The following INSYN2B variants were observed in gnomAD, a reference collection of about 807,000 sequenced individuals.
The protein encoded by INSYN2B is protein INSYN2B.
Under a neutral mutation model 41.2 loss-of-function variants are expected in INSYN2B, and 16 were observed. That is an observed-to-expected ratio of 0.39 (90% confidence interval 0.26 to 0.59). The LOEUF is 0.59. Ranked by LOEUF, INSYN2B falls within the 20% of genes least tolerant of loss-of-function variation. INSYN2B has a pLI of 0.57. For synonymous variants in INSYN2B, 245 were observed against 244.4 expected (o/e 1.00, Z -0.02); for missense variants, 608 against 646.4 (o/e 0.94, Z 0.64).
intron 1 of INSYN2B, among the ~76,000 whole-genome samples, chr5:169,905,763 G>T (rs1399838041): frequency 6.6e-6 from 1 of 152,170 alleles, no homozygotes; most frequent in Non-Finnish European, 1.5e-5. Flanking sequence ...AGGTGTGCAG[G>T]GCTCACCACA....
intron 1 of INSYN2B, among the ~76,000 whole-genome samples, chr5:169,956,880 G>A (rs564151989): frequency 5.4e-4 from 82 of 152,242 alleles, no homozygotes; most frequent in Admixed American, 1.3e-3. Flanking sequence ...AAAATGTGTA[G>A]GATGTTTCTG....
intron 1 of INSYN2B, among the ~76,000 whole-genome samples, chr5:169,950,579 G>T (rs1264838039): frequency 6.6e-6 from 1 of 152,126 alleles, no homozygotes; most frequent in Non-Finnish European, 1.5e-5. Context: ...TTCTCTTTTG[G>T]TTTTAGTTCT....
intron 1 of INSYN2B, among the ~76,000 whole-genome samples, chr5:169,927,375 T>A (rs1581429102): frequency 6.6e-6 from 1 of 152,194 alleles, no homozygotes; most frequent in South Asian, 2.1e-4. Context: ...TAGAGATTGC[T>A]GGACCCCATC....
At chr5:169,914,333 T>C (rs17071870) in intron 1 of INSYN2B, among the ~76,000 whole-genome samples, 8,534 of 152,254 alleles carry the variant, frequency 0.056, 258 homozygotes, top group Middle Eastern at 0.092. Flanking sequence ...CCTAAACCTT[T>C]CTTTGGTTAA....
chr5:169,869,424 A>T lies in INSYN2B; in HGVS notation c.1422-4965T>A, dbSNP rs143004899. Reference sequence around the variant, plus strand: ...GAGAAGTGTGTGTGCTTCGGAAAGAAATTGATTAATGTTTTTTAGGCCAAA... The same window carrying T: ...GAGAAGTGTGTGTGCTTCGGAAAGATATTGATTAATGTTTTTTAGGCCAAA... On this transcript the variant is annotated intron_variant, in intron 3 of 3. Coordinates refer to ENST00000377365, the MANE Select transcript of INSYN2B (RefSeq NM_001129891.3). Among the ~76,000 whole-genome samples, 827 of 152,348 alleles carry T rather than the reference A, an allele frequency of 5.4e-3. 9 individuals carry two copies. Among genetic ancestry groups the T allele is most frequent in the Middle Eastern group, 0.02 (6 of 294 alleles).
chr5:169,952,272 A>G (rs1321675945), intron 1 of INSYN2B, among the ~76,000 whole-genome samples: 4 of 152,220 alleles, frequency 2.6e-5, no homozygotes, highest in Non-Finnish European at 5.9e-5. Flanking sequence ...ACTCGTCCGT[A>G]TAACAATTTA....
rs189428395 is a variant in INSYN2B at position 169,927,073 on chromosome 5, A to G, written c.-918-42257T>C. The stretch of plus-strand genomic sequence containing the variant: ...GCCAGACCAATATGGTATATTCTTC[A>G]TAAATATGCTACATGAAGAGTGGGA... On this transcript the variant is annotated intron_variant, in intron 1 of 3. Coordinates refer to ENST00000377365, the MANE Select transcript of INSYN2B (RefSeq NM_001129891.3). Among the ~76,000 whole-genome samples the G allele has an allele frequency of 3.4e-3, 511 of 152,364 alleles. 1 individual carries two copies. Among genetic ancestry groups the G allele is most frequent in the Middle Eastern group, 0.01 (3 of 294 alleles).
At chr5:169,968,097 C>A (rs1041302869) in intron 1 of INSYN2B, among the ~76,000 whole-genome samples, 4 of 152,160 alleles carry the variant, frequency 2.6e-5, no homozygotes, top group African/African-American at 9.7e-5. Flanking sequence ...GAAAACCTTC[C>A]TGGAATTCTC....
chr5:169,879,002 G>T (rs879593972), intron 3 of INSYN2B, among the ~76,000 whole-genome samples: 1 of 152,206 alleles, frequency 6.6e-6, no homozygotes, highest in African/African-American at 2.4e-5. Flanking sequence ...GAGAGCCAAG[G>T]AGGCTTAGGG....
chr5:169,884,100 T>C lies in INSYN2B; in HGVS notation c.-202A>G. 1 of 419,206 alleles carries C rather than the reference T, an allele frequency of 2.4e-6. No homozygotes were observed. 26.0% of individuals were successfully genotyped at this position (419,206 alleles called of 1,614,324 possible). Reference sequence around the variant, plus strand: ...TACGTAGGAACTATCTGTAATGCTTTCCCTGCAGTTAAAATATTAATTCAT... The same window carrying C: ...TACGTAGGAACTATCTGTAATGCTTCCCCTGCAGTTAAAATATTAATTCAT... On this transcript the variant is annotated 5_prime_UTR_variant, in exon 2 of 4. Coordinates refer to ENST00000377365, the MANE Select transcript of INSYN2B (RefSeq NM_001129891.3).
At chr5:169,909,673 A>G (rs769329163) in intron 1 of INSYN2B, among the ~76,000 whole-genome samples, 2 of 152,216 alleles carry the variant, frequency 1.3e-5, no homozygotes, top group Non-Finnish European at 2.9e-5. Flanking sequence ...CTCTAAACCT[A>G]TAATACATCT....
chr5:169,977,388 C>G (rs1777753415), intron 1 of INSYN2B, among the ~76,000 whole-genome samples: 2 of 152,216 alleles, frequency 1.3e-5, no homozygotes, highest in South Asian at 4.1e-4. Flanking sequence ...ATCTGCATAG[C>G]TTCTCTGGAC....
chr5:169,892,722 T>C (rs1348871086), intron 1 of INSYN2B, among the ~76,000 whole-genome samples: 1 of 152,238 alleles, frequency 6.6e-6, no homozygotes, highest in Non-Finnish European at 1.5e-5. Flanking sequence ...TCTTTCTTTT[T>C]TCAAAAACAT....
intron 1 of INSYN2B, among the ~76,000 whole-genome samples, chr5:169,895,527 G>A (rs74888019): frequency 0.069 from 10,418 of 151,818 alleles, 398 homozygotes; most frequent in Non-Finnish European, 0.088. Flanking sequence ...CAGCATTCAC[G>A]CATCCTCTTC....
intron 1 of INSYN2B, among the ~76,000 whole-genome samples, chr5:169,961,549 C>G (rs1046982592): frequency 5.3e-5 from 8 of 152,178 alleles, no homozygotes; most frequent in African/African-American, 1.9e-4. Context: ...ACATGGTGGA[C>G]TAAGCAGACA....
intron 1 of INSYN2B, among the ~76,000 whole-genome samples, chr5:169,971,255 C>A (rs61447875): frequency 0.012 from 1,844 of 151,942 alleles, 43 homozygotes; most frequent in African/African-American, 0.042. Context: ...AGTATCATTC[C>A]CAGAGCAGGA....
intron 1 of INSYN2B, among the ~76,000 whole-genome samples, chr5:169,902,260 G>A (rs1233499553): frequency 6.6e-6 from 1 of 152,228 alleles, no homozygotes; most frequent in Non-Finnish European, 1.5e-5. Context: ...CAGGAGCAAA[G>A]AGGCACAATG....
Position 169,864,380 on chromosome 5 carries a change from C to T in INSYN2B, c.1501G>A (p.Glu501Lys), listed in dbSNP as rs919726098. 53 of 1,551,436 alleles carry T rather than the reference C, an allele frequency of 3.4e-5. No homozygotes were observed. Among genetic ancestry groups the T allele is most frequent in the Non-Finnish European group, 4.4e-5 (50 of 1,146,922 alleles). Residue 501 changes from glutamate (E) to lysine (K), a missense_variant, in exon 4 of 4, where the codon GAG becomes AAG. Physicochemically the swap from Glu to Lys is moderately conservative, Grantham distance 56. Transcript: ENST00000377365. ...QSLEEAEPVE[E>K]ASPPPKSPAE... ...GGGGACTTTGGTGGGGGCGATGCCT[C>T]CTCAACTGGCTCTGCTTCCTCCAGA...
chr5:169,961,061 A>C (rs1291235015), intron 1 of INSYN2B, among the ~76,000 whole-genome samples: 1 of 152,234 alleles, frequency 6.6e-6, no homozygotes, highest in Non-Finnish European at 1.5e-5. Context: ...ACCCCAGTAT[A>C]TTGCATGAGT....
Sources: gnomAD v4.1 joint callset for allele counts (sites outside exome capture counted in the v4.1 genomes callset) on GRCh38, gnomAD v4.1.1 for gene constraint, MANE v1.5 for transcripts, NCBI Gene and HGNC (gene_info 2026-07-23, HGNC 2026-07-21) for gene names.